Variants in GALNT13 observed in about 807,000 individuals in gnomAD.
The protein encoded by GALNT13 is UDP-GalNAc:polypeptide N-acetylgalactosaminyltransferase 13.
A neutral mutation model predicts 64.2 loss-of-function variants in GALNT13; 28 were observed. The observed-to-expected ratio is 0.44, with a 90% CI of 0.32 to 0.60. The LOEUF (loss-of-function observed/expected upper bound fraction) is 0.60, where lower values mean the gene tolerates loss of function less well. GALNT13 is among the 20% of genes least tolerant of loss of function. The pLI is 0.05. For missense variants in GALNT13, 577 were observed against 669.8 expected (o/e 0.86, Z 1.53); for synonymous variants, 214 against 224.6 (o/e 0.95, Z 0.42).
At chr2:154,334,216 A>G (rs985922394) in intron 9 of GALNT13, among the ~76,000 whole-genome samples, 1 of 152,156 alleles carries the variant, frequency 6.6e-6, no homozygotes, top group Non-Finnish European at 1.5e-5. Context: ...AATGTTAGAG[A>G]TATGATTCCT....
the GALNT13 span, among the ~76,000 whole-genome samples, chr2:153,836,592 T>G: frequency 6.6e-6 from 1 of 151,828 alleles, no homozygotes; most frequent in Non-Finnish European, 1.5e-5. Context: ...TGTGCCATGC[T>G]GGTGTGCTGT....
chr2:153,529,975 G>A, the GALNT13 span, among the ~76,000 whole-genome samples: 2 of 152,028 alleles, frequency 1.3e-5, no homozygotes, highest in African/African-American at 4.8e-5. Context: ...TTTACTCTAA[G>A]ATCTGGGACA....
At chr2:153,342,058 T>C in the GALNT13 span, among the ~76,000 whole-genome samples, 1 of 152,208 alleles carries the variant, frequency 6.6e-6, no homozygotes, top group African/African-American at 2.4e-5. Flanking sequence ...AGAGGATATG[T>C]CATTAAATTT....
the GALNT13 span, among the ~76,000 whole-genome samples, chr2:153,564,076 A>G: frequency 6.6e-6 from 1 of 151,958 alleles, no homozygotes. Context: ...ACCCTACCCT[A>G]TCTTTGTCTT....
At chr2:154,276,214 T>G (rs1482408868) in intron 8 of GALNT13, among the ~76,000 whole-genome samples, 1 of 152,036 alleles carries the variant, frequency 6.6e-6, no homozygotes, top group African/African-American at 2.4e-5. Flanking sequence ...CTTTTCTCTT[T>G]TCTCTTTTGT....
chr2:153,691,155 A>G, the GALNT13 span, among the ~76,000 whole-genome samples: 1 of 152,188 alleles, frequency 6.6e-6, no homozygotes, highest in Non-Finnish European at 1.5e-5. Context: ...CCAATCTGCA[A>G]CTATGCCCAA....
In GALNT13 at chr2:154,037,982, A is replaced by G. The variant is rs190668693; in HGVS notation, c.142+93343A>G. Among the ~76,000 whole-genome samples the G allele has an allele frequency of 8.3e-4, 126 of 152,236 alleles. 3 individuals carry two copies. In the Middle Eastern group the frequency reaches 0.017, roughly 21 times the overall value. On this transcript the variant is annotated intron_variant, in intron 3 of 12. Transcript: ENST00000392825. ...CCACAACATAGCAAGGGACAACTCT[A>G]CAAATTTTTTTTAAAATTAGTCAGG...
the GALNT13 span, among the ~76,000 whole-genome samples, chr2:153,257,584 T>C: frequency 6.6e-6 from 1 of 152,164 alleles, no homozygotes; most frequent in Admixed American, 6.6e-5. Context: ...TTTTCTGACT[T>C]TTCCCTTAAA....
chr2:153,394,767 C>G, the GALNT13 span, among the ~76,000 whole-genome samples: 3 of 152,028 alleles, frequency 2.0e-5, no homozygotes, highest in African/African-American at 7.2e-5. Context: ...TATTAATGTT[C>G]TGTTGCTGTG....
the GALNT13 span, among the ~76,000 whole-genome samples, chr2:153,249,539 A>G: frequency 2.0e-5 from 3 of 152,246 alleles, no homozygotes; most frequent in African/African-American, 2.4e-5. Context: ...TAAATTTCAT[A>G]TGGTACCAAA....
chr2:153,249,737 C>T, the GALNT13 span, among the ~76,000 whole-genome samples: 8 of 152,012 alleles, frequency 5.3e-5, no homozygotes, highest in African/African-American at 1.9e-4. Flanking sequence ...TCTACAACCA[C>T]AAGATCTTCA....
At chr2:153,078,097 C>G in the GALNT13 span, among the ~76,000 whole-genome samples, 1 of 151,666 alleles carries the variant, frequency 6.6e-6, no homozygotes, top group African/African-American at 2.4e-5. Context: ...TCTTCCTTGC[C>G]TTCTGCTTTT....
At chr2:153,131,459 C>T in the GALNT13 span, among the ~76,000 whole-genome samples, 8 of 151,512 alleles carry the variant, frequency 5.3e-5, no homozygotes, top group African/African-American at 1.9e-4. Context: ...TTCAAGAAGA[C>T]ATCTAGAAGA....
At chr2:154,122,883 G>T (rs575845927) in intron 3 of GALNT13, among the ~76,000 whole-genome samples, 1 of 148,476 alleles carries the variant, frequency 6.7e-6, no homozygotes, top group East Asian at 3.0e-4. Flanking sequence ...TAGTCACTTC[G>T]TATTCAAACT....
chr2:154,241,010 C>T (rs936491671), intron 4 of GALNT13, among the ~76,000 whole-genome samples: 3 of 152,140 alleles, frequency 2.0e-5, no homozygotes, highest in Admixed American at 6.5e-5. Context: ...GCTGGCTTGC[C>T]GGTGCCTGCT....
At chr2:154,101,586 A>G (rs1020089200) in intron 3 of GALNT13, among the ~76,000 whole-genome samples, 20 of 151,958 alleles carry the variant, frequency 1.3e-4, no homozygotes, top group Admixed American at 1.3e-3. Flanking sequence ...GATTTTGCTT[A>G]TCCTTTCAAA....
chr2:154,425,376 T>C (rs1298399412), intron 11 of GALNT13, among the ~76,000 whole-genome samples: 3 of 152,182 alleles, frequency 2.0e-5, no homozygotes, highest in East Asian at 1.9e-4. Flanking sequence ...ATATATTTAT[T>C]GTTGTTATGT....
chr2:153,902,215 A>G (rs755546715), intron 2 of GALNT13, among the ~76,000 whole-genome samples: 3 of 152,124 alleles, frequency 2.0e-5, no homozygotes, highest in Non-Finnish European at 4.4e-5. Context: ...CTAAAATTGA[A>G]TGGATTAAAT....
intron 3 of GALNT13, among the ~76,000 whole-genome samples, chr2:154,021,567 G>C (rs1280110006): frequency 6.6e-6 from 1 of 152,006 alleles, no homozygotes; most frequent in Non-Finnish European, 1.5e-5. Context: ...CTGAGACTTT[G>C]CTGAAGTTGC....
Sources: gnomAD v4.1 joint callset for allele counts (sites outside exome capture counted in the v4.1 genomes callset) on GRCh38, gnomAD v4.1.1 for gene constraint, MANE v1.5 for transcripts, NCBI Gene and HGNC (gene_info 2026-07-23, HGNC 2026-07-21) for gene names.